The following TVP23A variants were observed in gnomAD, a reference collection of about 807,000 sequenced individuals.
TVP23A encodes the protein Golgi apparatus membrane protein TVP23 homolog A.
Under a neutral mutation model 31.7 loss-of-function variants are expected in TVP23A, and 21 were observed. The ratio of observed to expected loss-of-function variants is 0.66; its 90% CI spans 0.47 to 0.95. The LOEUF (loss-of-function observed/expected upper bound fraction) is 0.95. TVP23A is among the 40% of genes least tolerant of loss of function. The pLI, the probability that TVP23A is intolerant of heterozygous loss-of-function variation, is 0.00. For missense variants in TVP23A, 279 were observed against 255.6 expected (o/e 1.09, Z -0.62); for synonymous variants, 104 against 96.0 (o/e 1.08, Z -0.49).
chr16:10,816,254 C>T (rs957643632), intron 2 of TVP23A, among the ~76,000 whole-genome samples: 1 of 141,684 alleles, frequency 7.1e-6, no homozygotes. Flanking sequence ...AAAAAGAAAT[C>T]CAGGTTCTAA....
intron 2 of TVP23A, among the ~76,000 whole-genome samples, chr16:10,795,529 G>C (rs1360585565): frequency 6.6e-6 from 1 of 152,108 alleles, no homozygotes; most frequent in African/African-American, 2.4e-5. Context: ...GGGATTACAG[G>C]TGTGAGCCAC....
chr16:10,785,677 G>C (rs953128762), intron 2 of TVP23A, among the ~76,000 whole-genome samples: 1 of 152,324 alleles, frequency 6.6e-6, no homozygotes, highest in African/African-American at 2.4e-5. Flanking sequence ...ATTTCAGGGA[G>C]ACAGGAGACA....
chr16:10,776,813 C>T (rs1202130637), intron 2 of TVP23A, among the ~76,000 whole-genome samples: 3 of 152,270 alleles, frequency 2.0e-5, no homozygotes, highest in Non-Finnish European at 4.4e-5. Context: ...TCATGCCTCC[C>T]CTTTTTCGAC....
intron 2 of TVP23A, among the ~76,000 whole-genome samples, chr16:10,817,600 C>T (rs1368951172): frequency 6.6e-6 from 1 of 152,240 alleles, no homozygotes; most frequent in Non-Finnish European, 1.5e-5. Context: ...AAGCTCTCTT[C>T]CACTTGTCCA....
chr16:10,813,686 A>G (rs567384771), intron 2 of TVP23A, among the ~76,000 whole-genome samples: 1 of 152,260 alleles, frequency 6.6e-6, no homozygotes, highest in East Asian at 1.9e-4. Flanking sequence ...GAACCCCTGA[A>G]GCCCATCTGT....
At chr16:10,809,345 G>A (rs562849625) in intron 2 of TVP23A, among the ~76,000 whole-genome samples, 11 of 152,326 alleles carry the variant, frequency 7.2e-5, no homozygotes, top group East Asian at 3.9e-4. Context: ...CTGGCCTCCC[G>A]TAGCACAGAG....
chr16:10,784,560 CA>C lies in TVP23A; in HGVS notation c.90-9465del, dbSNP rs372829313. On this transcript the variant is annotated intron_variant, in intron 2 of 7. Coordinates refer to ENST00000299866, the MANE Select transcript of TVP23A (RefSeq NM_001079512.4). ...TGGGCAACAGAGCAAGACCTTGTCT[CA>C]AAAAAAATAAATAAATAAAGAAGAA... is the stretch of plus-strand genomic sequence containing the variant. 5.7e-5 allele frequency among the ~76,000 whole-genome samples: 8 copies of C among 140,274 alleles called. No individual in the cohort carries two copies. The East Asian group carries it at 1.6e-3, about 29-fold the overall frequency. 92.0% of individuals were successfully genotyped at this position (140,274 alleles called of 152,430 possible). A position where few individuals can be genotyped will look rare whatever the true frequency, so the allele number is the denominator to read the frequency against.
intron 2 of TVP23A, among the ~76,000 whole-genome samples, chr16:10,799,540 G>C (rs1216992968): frequency 6.6e-6 from 1 of 152,212 alleles, no homozygotes; most frequent in East Asian, 1.9e-4. Context: ...GGCCATGTTG[G>C]TCAGGCTGGT....
chr16:10,775,327 A>G, intron 2 of TVP23A: 1 of 1,357,364 alleles, frequency 7.4e-7, no homozygotes, highest in Non-Finnish European at 9.5e-7. Flanking sequence ...CGAAGAATCC[A>G]GTACTTTCCC....
At chr16:10,762,404 T>G (rs1448883663), downstream of TVP23A, among the ~76,000 whole-genome samples, 20 of 152,168 alleles carry the variant, frequency 1.3e-4, no homozygotes, top group Non-Finnish European at 1.5e-5. Context: ...AGATGCCCAC[T>G]CCCTGAGTGG....
intron 2 of TVP23A, among the ~76,000 whole-genome samples, chr16:10,775,966 T>C (rs903690660): frequency 3.3e-5 from 5 of 151,052 alleles, no homozygotes; most frequent in Non-Finnish European, 7.4e-5. Flanking sequence ...CCAGGCTGGT[T>C]TCGAACTCCT....
chr16:10,774,186 G>C, intron 3 of TVP23A, 58 bp from the exon 4 acceptor site: 2 of 1,323,038 alleles, frequency 1.5e-6, no homozygotes, highest in African/African-American at 1.5e-5. Context: ...CTTATTCACT[G>C]TATTGATAAA....
downstream of TVP23A, among the ~76,000 whole-genome samples, chr16:10,759,343 G>T (rs183850722): frequency 7.2e-5 from 11 of 152,372 alleles, no homozygotes; most frequent in South Asian, 2.1e-4. This position sits in a 1 kb window ranked among gnomAD's most constrained non-coding sequence, Gnocchi z 4.7. Context: ...GCATCCTGCA[G>T]AGAGGGGACA....
At chr16:10,765,536 C>G (rs2142811993), downstream of TVP23A, among the ~76,000 whole-genome samples, 1 of 152,158 alleles carries the variant, frequency 6.6e-6, no homozygotes, top group South Asian at 2.1e-4. The surrounding 1 kb of genome is among the most constrained non-coding windows in gnomAD (Gnocchi z 4.0). Context: ...GGCATGCTTG[C>G]TGACCCACCC....
At chr16:10,801,808 A>G (rs1459352633) in intron 2 of TVP23A, among the ~76,000 whole-genome samples, 1 of 152,182 alleles carries the variant, frequency 6.6e-6, no homozygotes, top group Non-Finnish European at 1.5e-5. Context: ...AATATGAACT[A>G]CAGATTAGAT....
At chr16:10,802,050 G>C (rs2033717776) in intron 2 of TVP23A, among the ~76,000 whole-genome samples, 1 of 151,778 alleles carries the variant, frequency 6.6e-6, no homozygotes, top group African/African-American at 2.4e-5. Context: ...TTAGGGGCAA[G>C]TGGGCATGAT....
intron 7 of TVP23A, chr16:10,769,316 A>C: frequency 4.0e-6 from 2 of 494,792 alleles, no homozygotes; most frequent in East Asian, 3.3e-5. Context: ...TTCTCTACAA[A>C]TGTGCCGTTT....
chr16:10,757,501 C>G (rs1197205546), downstream of TVP23A, among the ~76,000 whole-genome samples: 1 of 152,098 alleles, frequency 6.6e-6, no homozygotes, highest in Non-Finnish European at 1.5e-5. The surrounding 1 kb of genome is among the most constrained non-coding windows in gnomAD (Gnocchi z 4.1). Flanking sequence ...AGACCGTGTT[C>G]TACACCATAG....
downstream of TVP23A, chr16:10,757,943 T>C (rs1211822572): frequency 4.3e-6 from 7 of 1,613,968 alleles, no homozygotes; most frequent in Admixed American, 1.7e-5. The surrounding 1 kb of genome is among the most constrained non-coding windows in gnomAD (Gnocchi z 4.1). Flanking sequence ...ACACCCCACC[T>C]GGGACGTCGG....
Sources: gnomAD v4.1 joint callset for allele counts (sites outside exome capture counted in the v4.1 genomes callset) on GRCh38, gnomAD v4.1.1 for gene constraint, Gnocchi (gnomAD v3.1) non-coding constraint, MANE v1.5 for transcripts, NCBI Gene and HGNC (gene_info 2026-07-23, HGNC 2026-07-21) for gene names.